HDAC9: variants seen among roughly 807,000 people sequenced by gnomAD.
HDAC9 encodes histone deacetylase 9, also known as MEF-2 interacting transcription repressor (MITR) protein.
Under a neutral mutation model 139.4 loss-of-function variants are expected in HDAC9, and 41 were observed. That is an observed-to-expected ratio of 0.29 (90% CI 0.23 to 0.38). The LOEUF (loss-of-function observed/expected upper bound fraction) is 0.38, where lower values mean the gene tolerates loss of function less well. Ranked by LOEUF, HDAC9 falls within the 10% of genes least tolerant of loss-of-function variation. HDAC9 has a pLI of 1.00. For missense variants in HDAC9, 1,147 were observed against 1,297.0 expected (o/e 0.88, Z 1.78); for synonymous variants, 517 against 476.2 (o/e 1.09, Z -1.12).
chr7:18,993,677 C>T (rs1206130174), intron 25 of HDAC9, among the ~76,000 whole-genome samples: 3 of 152,004 alleles, frequency 2.0e-5, no homozygotes, highest in Admixed American at 6.6e-5. Context: ...GTGGCACATG[C>T]CTGTAGTCTC....
At chr7:18,369,069 C>CT (rs1399235872) in intron 1 of HDAC9, among the ~76,000 whole-genome samples, 2 of 151,996 alleles carry the variant, frequency 1.3e-5, no homozygotes, top group African/African-American at 2.4e-5. Context: ...TTTCTTATAT[C>CT]TTTTTTCCTT....
At position 18,829,156 on chromosome 7, in the gene HDAC9, C is replaced by T; in HGVS notation, c.2323-5C>T. The T allele has an allele frequency of 6.2e-7, 1 of 1,609,828 alleles. No individual in the cohort carries two copies. The highest frequency in any genetic ancestry group is 8.5e-7 in the Non-Finnish European group (1 of 1,176,054). ...GACCATTGAAAACCTGTCTTGTTTT[C>T]ACAGAATGGGTTTGCTGTTGTGAGG... On this transcript the variant is annotated splice_polypyrimidine_tract_variant and splice_region_variant and intron_variant, in intron 17 of 25. Coordinates refer to ENST00000686413, the MANE Select transcript of HDAC9 (RefSeq NM_178425.4).
chr7:18,115,961 TA>T (rs1283530740), intron 1 of HDAC9, among the ~76,000 whole-genome samples: 2 of 152,216 alleles, frequency 1.3e-5, no homozygotes, highest in Non-Finnish European at 2.9e-5. Context: ...CATTGATACT[TA>T]GTTACACGTT....
Position 18,125,994 on chromosome 7 carries a change from G to A in HDAC9, c.-96-36235G>A, listed in dbSNP as rs1223023663. Among the ~76,000 whole-genome samples, 3 of 152,058 alleles carry A rather than the reference G, an allele frequency of 2.0e-5. 1 individual carries two copies. The East Asian group carries it at 5.8e-4, about 29-fold the overall frequency. On this transcript the variant is annotated intron_variant, in intron 1 of 12. Coordinates refer to the HDAC9 transcript ENST00000417496. The stretch of plus-strand genomic sequence containing the variant: ...TATTTGTTGGTCTATCTACCTGTAT[G>A]TTTTCCTTCTTCCTTCTTTCATCTA...
chr7:18,954,169 T>G lies in HDAC9; in HGVS notation c.2961T>G (p.Ile987Met). ...GNELEPLAED[I>M]LHQSPNMNAV... is the part of the protein sequence containing the mutation. ...AGCTGGAGCCACTTGCAGAAGATAT[T>G]CTCCACCAAAGCCCGAATATGAATG... The change falls in exon 24 of 26, where the codon ATT becomes ATG. Residue 987 changes from isoleucine (I) to methionine (M), a missense_variant. Physicochemically the swap from Ile to Met is conservative, Grantham distance 10. Coordinates refer to ENST00000686413, the MANE Select transcript of HDAC9 (RefSeq NM_178425.4). The G allele has an allele frequency of 6.4e-7, 1 of 1,574,422 alleles. No homozygotes were observed. The highest frequency in any genetic ancestry group is 8.7e-7 in the Non-Finnish European group (1 of 1,154,776).
intron 2 of HDAC9, among the ~76,000 whole-genome samples, chr7:18,180,015 C>G (rs959008820): frequency 1.7e-4 from 26 of 152,158 alleles, no homozygotes; most frequent in African/African-American, 6.0e-4. Flanking sequence ...CATCTCCCAG[C>G]TCTGTCACAA....
intron 2 of HDAC9, among the ~76,000 whole-genome samples, chr7:18,202,345 G>A (rs1051045257): frequency 6.6e-6 from 1 of 151,974 alleles, no homozygotes; most frequent in Non-Finnish European, 1.5e-5. Context: ...TTACTTATGA[G>A]AGCCCAGATA....
At position 18,495,766 on chromosome 7, in the gene HDAC9, C is replaced by A; in HGVS notation, c.-299C>A. ...GAAAGGGGGAAGAGAGGCACAGACACAGATAGGAGAAGGGCACCGGCTGGA... is the reference window on the plus strand; with the variant it reads ...GAAAGGGGGAAGAGAGGCACAGACAAAGATAGGAGAAGGGCACCGGCTGGA... On this transcript the variant is annotated 5_prime_UTR_variant, in exon 1 of 26. Transcript: ENST00000686413. 1.0e-6 allele frequency: 1 copy of A among 993,300 alleles called. No individual in the cohort carries two copies. The highest frequency in any genetic ancestry group is 1.2e-6 in the Non-Finnish European group (1 of 835,436). The allele number at this position is 993,300 out of a possible 1,614,324, so 61.5% of individuals were successfully genotyped here.
chr7:18,439,008 T>C (rs1260889217), intron 1 of HDAC9, among the ~76,000 whole-genome samples: 1 of 152,226 alleles, frequency 6.6e-6, no homozygotes, highest in East Asian at 1.9e-4. Flanking sequence ...GGATATGACA[T>C]CATCCTTAGT....
chr7:18,434,390 A>G (rs1283618359), intron 1 of HDAC9, among the ~76,000 whole-genome samples: 2 of 152,236 alleles, frequency 1.3e-5, no homozygotes, highest in Non-Finnish European at 2.9e-5. Flanking sequence ...CAACAAAAAC[A>G]AACATTGACA....
intron 1 of HDAC9, among the ~76,000 whole-genome samples, chr7:18,390,933 AC>A (rs1422128408): frequency 1.3e-5 from 2 of 152,160 alleles, no homozygotes; most frequent in Non-Finnish European, 2.9e-5. Context: ...TACTAAAAAT[AC>A]AAAAATTAGC....
At chr7:18,591,706 A>T in intron 5 of HDAC9, 64 bp downstream of exon 5, 2 of 1,576,088 alleles carry the variant, frequency 1.3e-6, no homozygotes, top group Non-Finnish European at 1.7e-6. Flanking sequence ...TATTTAGCCG[A>T]CCTGGGTACA....
intron 1 of HDAC9, among the ~76,000 whole-genome samples, chr7:18,372,179 T>G (rs780498253): frequency 3.3e-5 from 5 of 152,220 alleles, no homozygotes; most frequent in Non-Finnish European, 7.3e-5. Flanking sequence ...TCCCAGGTGA[T>G]TCCAATGTGC....
intron 8 of HDAC9, among the ~76,000 whole-genome samples, chr7:18,643,654 A>G (rs116641869): frequency 0.012 from 1,888 of 152,152 alleles, 45 homozygotes; most frequent in African/African-American, 0.043. Flanking sequence ...CCAGGGGAAA[A>G]TCTACAGCTC....
intron 12 of HDAC9, chr7:18,668,138 A>G: frequency 1.2e-6 from 1 of 856,922 alleles, no homozygotes; most frequent in Non-Finnish European, 1.4e-6. Flanking sequence ...TTACTGCTAA[A>G]GATACATTAT....
At chr7:18,483,824 C>T (rs770676420) in intron 1 of HDAC9, among the ~76,000 whole-genome samples, 12 of 152,040 alleles carry the variant, frequency 7.9e-5, no homozygotes, top group Non-Finnish European at 1.5e-4. Flanking sequence ...TCATGACTGT[C>T]TAAACATTGT....
At chr7:18,121,870 A>C (rs1471547839) in intron 1 of HDAC9, among the ~76,000 whole-genome samples, 2 of 152,356 alleles carry the variant, frequency 1.3e-5, no homozygotes, top group East Asian at 3.9e-4. Context: ...GACACTCTGA[A>C]ACTCTTAACA....
intron 1 of HDAC9, among the ~76,000 whole-genome samples, chr7:18,115,539 G>A (rs1783923372): frequency 6.6e-6 from 1 of 152,130 alleles, no homozygotes; most frequent in Non-Finnish European, 1.5e-5. Flanking sequence ...TTCCAGTATT[G>A]GGTTAAGTCA....
At chr7:18,358,561 G>C (rs552538642) in intron 1 of HDAC9, among the ~76,000 whole-genome samples, 1 of 152,246 alleles carries the variant, frequency 6.6e-6, no homozygotes, top group African/African-American at 2.4e-5. Context: ...CTGAGGGTTG[G>C]AATTTGGAAA....
Sources: gnomAD v4.1 joint callset for allele counts (sites outside exome capture counted in the v4.1 genomes callset) on GRCh38, gnomAD v4.1.1 for gene constraint, MANE v1.5 for transcripts, NCBI Gene and HGNC (gene_info 2026-07-23, HGNC 2026-07-21) for gene names.